The following NPHP4 variants were observed in gnomAD, a reference collection of about 807,000 sequenced individuals.
NPHP4 encodes nephrocystin 4.
A neutral mutation model predicts 155.8 loss-of-function variants in NPHP4; 151 were observed. The observed-to-expected ratio is 0.97, with a 90% confidence interval of 0.85 to 1.11. The LOEUF (loss-of-function observed/expected upper bound fraction) is 1.11. NPHP4 is among the 50% of genes least tolerant of loss of function. The pLI is 0.00. For synonymous variants in NPHP4, 845 were observed against 816.8 expected, an observed-to-expected ratio of 1.03 and a Z score of -0.59; for missense variants, 1,956 against 1,925.7, an observed-to-expected ratio of 1.02 and a Z score of -0.29.
chr1:5,887,398 G>A lies in NPHP4; in HGVS notation c.2373C>T (p.Tyr791=), dbSNP rs199687209. The change falls in exon 18 of 30, where the codon TAC becomes TAT. Residue 791 remains tyrosine, a synonymous_variant. Transcript: ENST00000378156. ...SHELEVVATE[Y]EQDNMVVSGD... Reference sequence around the variant, plus strand: ...CACTCACCACCATGTTGTCCTGCTCGTATTCAGTTGCCACGACCTCAAGCT... The same window carrying A: ...CACTCACCACCATGTTGTCCTGCTCATATTCAGTTGCCACGACCTCAAGCT... The A allele has an allele frequency of 2.7e-5, 44 of 1,613,494 alleles. No homozygotes were observed. In the East Asian group the frequency reaches 6.0e-4, roughly 22 times the overall value.
chr1:5,888,809 C>G (rs1426574157), intron 17 of NPHP4, among the ~76,000 whole-genome samples: 1 of 152,214 alleles, frequency 6.6e-6, no homozygotes, highest in Non-Finnish European at 1.5e-5. Flanking sequence ...GCAGGCCTGG[C>G]TGAGCCTTCG....
chr1:5,962,680 C>T (rs560855089), intron 5 of NPHP4, among the ~76,000 whole-genome samples: 39 of 152,262 alleles, frequency 2.6e-4, no homozygotes, highest in African/African-American at 7.5e-4. Flanking sequence ...GAACTGGATC[C>T]GAACCACGGG....
chr1:5,875,017 GA>G lies in NPHP4; in HGVS notation c.2900del (p.Ile967ThrfsTer5). The G allele has an allele frequency of 6.2e-7, 1 of 1,611,104 alleles. No homozygotes were observed. Among genetic ancestry groups the G allele is most frequent in the Non-Finnish European group, 8.5e-7 (1 of 1,179,860 alleles). ...TGATGGCCAGGCTCAGCAGGCTGGC[GA>G]TGCTCTCGGCCTTCGTGCGTTCCCG... The part of the protein sequence containing the change: ...AYRERTKAES[I>X]ASLLSLAITT... On this transcript the variant is annotated frameshift_variant, in exon 21 of 30. Coordinates refer to ENST00000378156, the MANE Select transcript of NPHP4 (RefSeq NM_015102.5). LOFTEE classifies it high-confidence loss of function.
At chr1:5,950,953 C>T (rs1242311531) in intron 7 of NPHP4, among the ~76,000 whole-genome samples, 1 of 152,242 alleles carries the variant, frequency 6.6e-6, no homozygotes, top group African/African-American at 2.4e-5. Flanking sequence ...AATGGAGCCA[C>T]AGCCACTGCA....
rs1386576663 is a variant in NPHP4, at chr1:5,880,190, G to A, written c.2535C>T (p.Ser845=). ...CATCGTTTGAGATGACCCGAGATCT[G>A]GACGGTGGCAATGTGCTACAACCTC... ...KVRGCSTLPP[S]RSRVISNDGA... The change falls in exon 19 of 30, where the codon TCC becomes TCT. Residue 845 remains serine, a synonymous_variant. Transcript: ENST00000378156. 3 of 1,613,650 alleles carry A rather than the reference G, an allele frequency of 1.9e-6. No individual in the cohort carries two copies. Among genetic ancestry groups the A allele is most frequent in the East Asian group, 2.2e-5 (1 of 44,868 alleles).
rs1643363162 is a variant in NPHP4 at position 5,882,259 on chromosome 1, ATCTCTC to A, written c.2486-2026_2486-2021del. 3 of 119,910 alleles carry A rather than the reference ATCTCTC, an allele frequency of 2.5e-5. No individual in the cohort carries two copies. The highest frequency in any genetic ancestry group is 9.7e-5 in the African/African-American group (3 of 31,016). The allele number at this position is 119,910 out of a possible 1,614,324, so 7.4% of individuals were successfully genotyped here. A position where few individuals can be genotyped will look rare whatever the true frequency, so the allele number is the denominator to read the frequency against. On this transcript the variant is annotated intron_variant, in intron 18 of 29. Transcript: ENST00000378156. The surrounding 1 kb of genome is among the most constrained non-coding windows in gnomAD (Gnocchi z 5.1). Reference sequence around the variant, plus strand: ...CTCTCAGTGGCGCGCTTACCCAGCCATCTCTCAGTGGCGCGCTTACCCAGCCATCTC... The same window carrying A: ...CTCTCAGTGGCGCGCTTACCCAGCCAAGTGGCGCGCTTACCCAGCCATCTC...
At chr1:5,937,638 C>A (rs1326914795) in intron 9 of NPHP4, among the ~76,000 whole-genome samples, 1 of 152,136 alleles carries the variant, frequency 6.6e-6, no homozygotes, top group Non-Finnish European at 1.5e-5. Context: ...GGGGTCCCCG[C>A]CAAGCAGCGC....
intron 1 of NPHP4, among the ~76,000 whole-genome samples, chr1:5,986,737 G>C (rs919512842): frequency 6.6e-6 from 1 of 152,046 alleles, no homozygotes; most frequent in Non-Finnish European, 1.5e-5. Flanking sequence ...TCTACCTCCA[G>C]AGAACCCTCC....
At chr1:5,936,673 G>A (rs1269667006) in intron 9 of NPHP4, among the ~76,000 whole-genome samples, 3 of 152,236 alleles carry the variant, frequency 2.0e-5, no homozygotes, top group African/African-American at 7.2e-5. Context: ...GTCAGGTTTT[G>A]TTGTGGAACA....
At chr1:5,903,689 A>C (rs1459335390) in intron 16 of NPHP4, among the ~76,000 whole-genome samples, 1 of 152,236 alleles carries the variant, frequency 6.6e-6, no homozygotes, top group Non-Finnish European at 1.5e-5. Flanking sequence ...TAAAGGGAAG[A>C]ATCAAGTATT....
intron 5 of NPHP4, among the ~76,000 whole-genome samples, chr1:5,967,006 G>C (rs1009544003): frequency 3.9e-5 from 6 of 152,238 alleles, no homozygotes; most frequent in Non-Finnish European, 1.5e-5. Context: ...GTGACAGAGA[G>C]CTACTACTTC....
rs1644856243 is a variant in NPHP4, at chr1:5,905,239, TCAA to T, written c.1955+50_1955+52del. 6.8e-7 allele frequency: 1 copy of T among 1,469,558 alleles called. No homozygotes were observed. Among genetic ancestry groups the T allele is most frequent in the Non-Finnish European group, 9.5e-7 (1 of 1,048,382 alleles). 91.0% of individuals were successfully genotyped at this position (1,469,558 alleles called of 1,614,324 possible). ...GTCAGAACCTCAGCGAAGTTTCTCT[TCAA>T]CACAGGAAATGTGAAAGCCAGATGA... On this transcript the variant is annotated intron_variant, in intron 15 of 29. Coordinates refer to ENST00000378156, the MANE Select transcript of NPHP4 (RefSeq NM_015102.5). This position sits in a 1 kb window ranked among gnomAD's most constrained non-coding sequence, Gnocchi z 4.0.
chr1:5,973,985 C>T (rs1653059164), intron 3 of NPHP4, among the ~76,000 whole-genome samples: 1 of 152,244 alleles, frequency 6.6e-6, no homozygotes, highest in South Asian at 2.1e-4. Context: ...ACAGCAAGAG[C>T]ACAGGAGCAG....
intron 9 of NPHP4, among the ~76,000 whole-genome samples, chr1:5,939,173 C>T (rs1398648266): frequency 1.3e-5 from 2 of 152,174 alleles, no homozygotes; most frequent in African/African-American, 4.8e-5. Context: ...GCAACATTTT[C>T]ATGTTATTCT....
chr1:5,879,493 T>A (rs763669894), intron 19 of NPHP4: 1 of 518,472 alleles, frequency 1.9e-6, no homozygotes, highest in Non-Finnish European at 3.9e-6. Context: ...GTACTTCAAC[T>A]TGTTTTGAAA....
At position 5,973,842 on chromosome 1, in the gene NPHP4, AGGCACACAG is replaced by A. The variant is rs566703445; in HGVS notation, c.279+4419_279+4427del. 3.2e-4 allele frequency among the ~76,000 whole-genome samples: 49 copies of A among 152,376 alleles called. No individual in the cohort carries two copies. In the South Asian group the frequency reaches 5.2e-3, roughly 16 times the overall value. ...CAGCCCTCCCCAGCTGCAAACAGAC[AGGCACACAG>A]GGCCCGAGTTGGCCTCCTAGAGCCA... On this transcript the variant is annotated intron_variant, in intron 3 of 29. Coordinates refer to ENST00000378156, the MANE Select transcript of NPHP4 (RefSeq NM_015102.5).
intron 22 of NPHP4, 41 bp downstream of exon 22, chr1:5,874,427 GTCA>G (rs781223775): frequency 6.8e-7 from 1 of 1,461,240 alleles, no homozygotes; most frequent in South Asian, 1.4e-5. Flanking sequence ...ATTTCCCACC[GTCA>G]TCAGCCAAAT....
At chr1:5,975,881 G>C (rs994980703) in intron 3 of NPHP4, among the ~76,000 whole-genome samples, 1 of 152,200 alleles carries the variant, frequency 6.6e-6, no homozygotes, top group African/African-American at 2.4e-5. Flanking sequence ...ATTCTACAGG[G>C]ATCAGGATTC....
At chr1:5,873,043 G>T (rs147209024) in intron 23 of NPHP4, among the ~76,000 whole-genome samples, 1 of 152,170 alleles carries the variant, frequency 6.6e-6, no homozygotes, top group Non-Finnish European at 1.5e-5. Flanking sequence ...AGGCATTTCC[G>T]ACCAGATACC....
Sources: allele counts gnomAD v4.1 joint callset (sites outside exome capture counted in the v4.1 genomes callset), GRCh38; gene constraint gnomAD v4.1.1; non-coding constraint Gnocchi (gnomAD v3.1); transcripts MANE v1.5; gene names NCBI Gene and HGNC (gene_info 2026-07-23, HGNC 2026-07-21).